Variants in RAB2A observed in about 807,000 individuals in gnomAD.
RAB2A encodes ras-related protein Rab-2A.
A neutral mutation model predicts 32.5 loss-of-function variants in RAB2A; 7 were observed. The observed-to-expected ratio is 0.22, with a 90% confidence interval of 0.12 to 0.40. The LOEUF (loss-of-function observed/expected upper bound fraction) is 0.40. RAB2A is among the 10% of genes least tolerant of loss of function. RAB2A has a pLI of 1.00. For missense variants in RAB2A, 108 were observed against 260.7 expected (o/e 0.41, Z 4.03); for synonymous variants, 79 against 85.2 (o/e 0.93, Z 0.40).
chr8:60,585,863 A>G (rs1803837116), intron 5 of RAB2A, among the ~76,000 whole-genome samples: 1 of 152,248 alleles, frequency 6.6e-6, no homozygotes, highest in Non-Finnish European at 1.5e-5. Context: ...TTCACAGGGT[A>G]TTAATTGTAT....
chr8:60,566,954 G>A (rs1808123995), intron 2 of RAB2A, among the ~76,000 whole-genome samples: 1 of 152,194 alleles, frequency 6.6e-6, no homozygotes, highest in South Asian at 2.1e-4. Context: ...TTTTATGGCT[G>A]CTATGTCTTT....
chr8:60,522,567 A>G (rs552221260), intron 1 of RAB2A, among the ~76,000 whole-genome samples: 17 of 152,322 alleles, frequency 1.1e-4, no homozygotes, highest in Non-Finnish European at 1.9e-4. Context: ...TGGTGGTTTT[A>G]CAAAAAGAGT....
intron 1 of RAB2A, among the ~76,000 whole-genome samples, chr8:60,549,214 C>T (rs1296958747): frequency 1.1e-4 from 17 of 152,070 alleles, no homozygotes; most frequent in African/African-American, 3.4e-4. Flanking sequence ...CAGGCGGAGA[C>T]GCTCCTCACT....
chr8:60,542,148 G>T (rs558040499), intron 1 of RAB2A, among the ~76,000 whole-genome samples: 2 of 152,260 alleles, frequency 1.3e-5, no homozygotes, highest in East Asian at 3.9e-4. Context: ...GCTTCCTAGA[G>T]GATATGACAC....
rs186915553 is a variant in RAB2A, at chr8:60,598,815, C to A, written c.474+6846C>A. Among the ~76,000 whole-genome samples the A allele has an allele frequency of 2.2e-4, 33 of 151,672 alleles. 1 individual carries two copies. The highest frequency in any genetic ancestry group is 1.2e-3 in the East Asian group (6 of 5,164). On this transcript the variant is annotated intron_variant, in intron 6 of 7. Transcript: ENST00000262646. ...ACACACACCAAAAAAAAACCCACAA[C>A]TAATGTTATACTTAAGGGCAAAAGG...
chr8:60,551,787 A>C (rs1170580395), intron 1 of RAB2A, among the ~76,000 whole-genome samples: 1 of 151,296 alleles, frequency 6.6e-6, no homozygotes, highest in Non-Finnish European at 1.5e-5. Context: ...TCAAACTCCT[A>C]GGTTCAAGCA....
Position 60,621,051 on chromosome 8 carries a change from G to A in RAB2A, c.*282G>A. The A allele has an allele frequency of 3.2e-6, 1 of 308,954 alleles. No individual in the cohort carries two copies. Among genetic ancestry groups the A allele is most frequent in the South Asian group, 5.4e-5 (1 of 18,632 alleles). The allele number at this position is 308,954 out of a possible 1,614,324, so 19.1% of individuals were successfully genotyped here. A position where few individuals can be genotyped will look rare whatever the true frequency, so the allele number is the denominator to read the frequency against. ...TGTGCCCTTAACTACGAACTGAATT[G>A]TATTAAACACTACAAAGTCATCTTG... is the stretch of plus-strand genomic sequence containing the variant. On this transcript the variant is annotated 3_prime_UTR_variant, in exon 8 of 8. Coordinates refer to ENST00000262646, the MANE Select transcript of RAB2A (RefSeq NM_002865.3).
In RAB2A at chr8:60,525,987, A is replaced by G. The variant is rs537677739; in HGVS notation, c.46+8734A>G. 5.6e-5 allele frequency among the ~76,000 whole-genome samples: 8 copies of G among 143,436 alleles called. 1 individual carries two copies. The South Asian group carries it at 1.7e-3, about 31-fold the overall frequency. 94.1% of individuals were successfully genotyped at this position (143,436 alleles called of 152,430 possible). On this transcript the variant is annotated intron_variant, in intron 1 of 7. Coordinates refer to ENST00000262646, the MANE Select transcript of RAB2A (RefSeq NM_002865.3). ...TATATATGTCTATATGTCTATATGT[A>G]TATATGTCTATATGTATATATGTGT... is the stretch of plus-strand genomic sequence containing the variant.
At chr8:60,584,393 G>A in intron 4 of RAB2A, 103 bp downstream of exon 4, 2 of 932,988 alleles carry the variant, frequency 2.1e-6, no homozygotes, top group South Asian at 3.0e-5. Context: ...TTCTGCCCCG[G>A]CTACTCACCT....
chr8:60,553,768 G>A (rs1352390661), intron 1 of RAB2A, among the ~76,000 whole-genome samples: 1 of 152,124 alleles, frequency 6.6e-6, no homozygotes, highest in African/African-American at 2.4e-5. Context: ...TATTATGGGA[G>A]CCCAAGGCTG....
intron 1 of RAB2A, among the ~76,000 whole-genome samples, chr8:60,525,981 ATATG>A (rs769291135): frequency 6.9e-6 from 1 of 144,532 alleles, no homozygotes; most frequent in African/African-American, 2.5e-5. Context: ...CTATATGTCT[ATATG>A]TATATATGTC....
At chr8:60,547,210 G>T (rs1008945972) in intron 1 of RAB2A, among the ~76,000 whole-genome samples, 1 of 152,010 alleles carries the variant, frequency 6.6e-6, no homozygotes, top group African/African-American at 2.4e-5. Flanking sequence ...CACAGGGTTG[G>T]GGGTAAGGTC....
intron 6 of RAB2A, among the ~76,000 whole-genome samples, chr8:60,602,208 A>C (rs957503417): frequency 6.6e-6 from 1 of 152,184 alleles, no homozygotes; most frequent in Non-Finnish European, 1.5e-5. Context: ...CTTAATCGGT[A>C]CTATCACTTA....
chr8:60,591,594 A>G, intron 5 of RAB2A: 3 of 272,648 alleles, frequency 1.1e-5, no homozygotes, highest in Non-Finnish European at 2.1e-5. Context: ...GTATTAGACT[A>G]GAGGCTCCCT....
intron 6 of RAB2A, among the ~76,000 whole-genome samples, chr8:60,607,117 C>CTTTTTTTT (rs201215354): frequency 8.0e-6 from 1 of 124,762 alleles, no homozygotes. Flanking sequence ...GGTCAATTGT[C>CTTTTTTTT]TTTTTTTTTT....
At chr8:60,528,189 C>T (rs149787613) in intron 1 of RAB2A, among the ~76,000 whole-genome samples, 12 of 152,244 alleles carry the variant, frequency 7.9e-5, no homozygotes, top group Non-Finnish European at 1.3e-4. Flanking sequence ...GCAGAACTAT[C>T]CTATATAAAA....
rs1804554457 is a variant in RAB2A, at chr8:60,623,068, A to G, written c.*2299A>G. ...CATAGAAAATCAGTCACTGAAAAAA[A>G]TAAACACAGCTTTCAATGTCTCACT... On this transcript the variant is annotated 3_prime_UTR_variant, in exon 8 of 8. Transcript: ENST00000262646. 6.6e-6 allele frequency: 1 copy of G among 152,234 alleles called. No individual in the cohort carries two copies. 9.4% of individuals were successfully genotyped at this position (152,234 alleles called of 1,614,324 possible). A position where few individuals can be genotyped will look rare whatever the true frequency, so the allele number is the denominator to read the frequency against.
At chr8:60,540,598 G>A (rs772136998) in intron 1 of RAB2A, among the ~76,000 whole-genome samples, 2 of 152,192 alleles carry the variant, frequency 1.3e-5, no homozygotes, top group Admixed American at 1.3e-4. Flanking sequence ...CCGTGCCTCA[G>A]CCTCTCAAGT....
chr8:60,550,718 AG>A (rs1203741068), intron 1 of RAB2A, among the ~76,000 whole-genome samples: 1 of 152,066 alleles, frequency 6.6e-6, no homozygotes, highest in Non-Finnish European at 1.5e-5. Flanking sequence ...TCTACTTGTA[AG>A]TTCTCATTGT....
Sources: allele counts gnomAD v4.1 joint callset (sites outside exome capture counted in the v4.1 genomes callset), GRCh38; gene constraint gnomAD v4.1.1; transcripts MANE v1.5; gene names NCBI Gene and HGNC (gene_info 2026-07-23, HGNC 2026-07-21).